DYM: variants seen among roughly 807,000 people sequenced by gnomAD.
DYM encodes the protein dyggve-Melchior-Clausen syndrome protein.
In DYM, 78 loss-of-function variants were observed where a neutral mutation model predicts 93.1. The ratio of observed to expected loss-of-function variants is 0.84; its 90% CI spans 0.70 to 1.01. The LOEUF (loss-of-function observed/expected upper bound fraction) is 1.01. DYM is among the 50% of genes least tolerant of loss of function. DYM has a pLI of 0.00. For missense variants in DYM, 789 were observed against 845.0 expected (o/e 0.93, Z 0.82); for synonymous variants, 321 against 319.7 (o/e 1.00, Z -0.04).
intron 17 of DYM, among the ~76,000 whole-genome samples, chr18:49,088,550 TAAAA>T (rs200912955): frequency 8.4e-5 from 9 of 106,906 alleles, no homozygotes; most frequent in African/African-American, 2.8e-4. Flanking sequence ...CCCTAGAACT[TAAAA>T]AAAAAAAAAA....
intron 8 of DYM, among the ~76,000 whole-genome samples, chr18:49,324,314 G>C (rs2062734753): frequency 6.6e-6 from 1 of 152,042 alleles, no homozygotes; most frequent in Admixed American, 6.6e-5. Context: ...AATTCCAGTT[G>C]AGTCTGCATC....
chr18:49,076,016 G>A (rs2077272252), intron 17 of DYM, among the ~76,000 whole-genome samples: 1 of 152,318 alleles, frequency 6.6e-6, no homozygotes, highest in South Asian at 2.1e-4. Context: ...TCAGAAATGT[G>A]TTAGCAGGGG....
chr18:49,315,212 G>GT (rs756037472), intron 8 of DYM, among the ~76,000 whole-genome samples: 1 of 105,260 alleles, frequency 9.5e-6, no homozygotes, highest in Admixed American at 9.0e-5. Flanking sequence ...AAGACCCTGT[G>GT]TTAAAAAAAA....
At chr18:49,262,789 AG>A (rs2094510281) in intron 11 of DYM, among the ~76,000 whole-genome samples, 1 of 152,202 alleles carries the variant, frequency 6.6e-6, no homozygotes, top group African/African-American at 2.4e-5. Context: ...TCTATATCCA[AG>A]TCTACTTCAT....
chr18:49,292,066 C>A (rs1041584351), intron 8 of DYM, among the ~76,000 whole-genome samples: 6 of 152,024 alleles, frequency 3.9e-5, no homozygotes, highest in Non-Finnish European at 8.8e-5. Context: ...TCCCCAAGGT[C>A]AAATAGAAGT....
At chr18:49,067,463 T>TGGGGAAGGAG (rs2076549241) in intron 17 of DYM, among the ~76,000 whole-genome samples, 1 of 133,334 alleles carries the variant, frequency 7.5e-6, no homozygotes, top group Non-Finnish European at 1.6e-5. Context: ...CTATGGAAGT[T>TGGGGAAGGAG]TGGTAGGAGA....
intron 1 of DYM, among the ~76,000 whole-genome samples, chr18:49,442,951 G>A (rs185846469): frequency 1.1e-4 from 16 of 151,454 alleles, no homozygotes; most frequent in African/African-American, 3.4e-4. Context: ...TTTGCCTCCC[G>A]GGTTCAAGCA....
intron 8 of DYM, among the ~76,000 whole-genome samples, chr18:49,299,962 A>G (rs556295303): frequency 3.3e-5 from 5 of 150,234 alleles, no homozygotes; most frequent in Admixed American, 6.6e-5. Flanking sequence ...AGAATGGCAT[A>G]AACCCGGGAG....
intron 17 of DYM, among the ~76,000 whole-genome samples, chr18:49,070,177 T>A (rs1186115211): frequency 7.2e-5 from 11 of 152,170 alleles, no homozygotes; most frequent in Admixed American, 7.2e-4. Context: ...ACAACTCTAG[T>A]TTTTGGCTTT....
chr18:49,158,413 G>A (rs1490924125), intron 15 of DYM, among the ~76,000 whole-genome samples: 2 of 152,078 alleles, frequency 1.3e-5, no homozygotes, highest in African/African-American at 2.4e-5. Flanking sequence ...ATGAAAAGTT[G>A]ACCCCCAAAA....
At chr18:49,169,663 T>C (rs1478559914) in intron 14 of DYM, among the ~76,000 whole-genome samples, 1 of 152,048 alleles carries the variant, frequency 6.6e-6, no homozygotes, top group Non-Finnish European at 1.5e-5. Context: ...GTCCTAAGCC[T>C]CCTCCCTATG....
chr18:49,366,528 C>T (rs1273587046), intron 5 of DYM, among the ~76,000 whole-genome samples: 2 of 152,152 alleles, frequency 1.3e-5, no homozygotes, highest in Non-Finnish European at 2.9e-5. Flanking sequence ...TGCAGTGGCA[C>T]CTGCTATAGC....
rs932617888 is a variant in DYM at position 49,318,797 on chromosome 18, C to CTTT, written c.763+13064_763+13066dup. On this transcript the variant is annotated intron_variant, in intron 8 of 17. Transcript: ENST00000675505. ...TGAACAGGTAACATTATTTCTTTTTCTTTTTTTTTTTTTTTTTTTTTGAGA... is the reference window on the plus strand; with the variant it reads ...TGAACAGGTAACATTATTTCTTTTTCTTTTTTTTTTTTTTTTTTTTTTTTGAGA... 1.5e-3 allele frequency among the ~76,000 whole-genome samples: 167 copies of CTTT among 114,360 alleles called. 3 individuals carry two copies. Among genetic ancestry groups the CTTT allele is most frequent in the African/African-American group, 4.5e-3 (128 of 28,160 alleles). 75.0% of individuals were successfully genotyped at this position (114,360 alleles called of 152,430 possible).
intron 14 of DYM, among the ~76,000 whole-genome samples, chr18:49,197,891 A>T (rs2091623811): frequency 6.6e-6 from 1 of 152,228 alleles, no homozygotes; most frequent in Non-Finnish European, 1.5e-5. Flanking sequence ...TTTAAAGTTC[A>T]TATGGAACCA....
At chr18:49,209,767 G>GA (rs2092694576) in intron 13 of DYM, 52 bp from the exon 14 acceptor site, 22 of 1,119,170 alleles carry the variant, frequency 2.0e-5, no homozygotes, top group Non-Finnish European at 2.2e-5. Flanking sequence ...GTTTTCCTTT[G>GA]AAAAAATAAA....
chr18:49,423,611 G>T (rs867960740), intron 2 of DYM, among the ~76,000 whole-genome samples: 3 of 152,148 alleles, frequency 2.0e-5, no homozygotes, highest in Middle Eastern at 3.4e-3. Context: ...CCAGGAGCTG[G>T]TTTTTTTGAA....
intron 14 of DYM, among the ~76,000 whole-genome samples, chr18:49,189,849 G>C (rs922404748): frequency 6.6e-6 from 1 of 152,188 alleles, no homozygotes; most frequent in Admixed American, 6.5e-5. Context: ...TCTTGCAATA[G>C]TCACATCAAC....
At chr18:49,311,327 A>G (rs1754657218) in intron 8 of DYM, among the ~76,000 whole-genome samples, 1 of 152,242 alleles carries the variant, frequency 6.6e-6, no homozygotes, top group South Asian at 2.1e-4. Flanking sequence ...TAAATAAGAG[A>G]GCCAACACAA....
chr18:49,142,761 C>T (rs967619990), intron 15 of DYM, among the ~76,000 whole-genome samples: 4 of 152,152 alleles, frequency 2.6e-5, no homozygotes, highest in African/African-American at 9.7e-5. Context: ...TAGGTTAACC[C>T]TGGGCATCAC....
Sources: allele counts gnomAD v4.1 joint callset (sites outside exome capture counted in the v4.1 genomes callset), GRCh38; gene constraint gnomAD v4.1.1; transcripts MANE v1.5; gene names NCBI Gene and HGNC (gene_info 2026-07-23, HGNC 2026-07-21).